POLR3B: variants seen among roughly 807,000 people sequenced by gnomAD.
POLR3B encodes DNA-directed RNA polymerase III subunit RPC2.
POLR3B carries 96 observed loss-of-function variants against 147.4 expected under a neutral mutation model. The observed-to-expected ratio is 0.65, with a 90% CI of 0.55 to 0.77. POLR3B has a LOEUF of 0.77. Ranked by LOEUF, POLR3B falls within the 30% of genes least tolerant of loss-of-function variation. The pLI is 0.00. For missense variants in POLR3B, 1,036 were observed against 1,413.5 expected, an observed-to-expected ratio of 0.73 and a Z score of 4.28; for synonymous variants, 461 against 485.9, an observed-to-expected ratio of 0.95 and a Z score of 0.67.
intron 23 of POLR3B, chr12:106,495,829 C>T (rs576636545): frequency 1.2e-5 from 8 of 652,120 alleles, no homozygotes; most frequent in South Asian, 5.2e-5. Context: ...TGTGCTATGC[C>T]GGCAGCACAG....
At chr12:106,377,273 T>G (rs1593005925) in intron 7 of POLR3B, among the ~76,000 whole-genome samples, 1 of 152,368 alleles carries the variant, frequency 6.6e-6, no homozygotes, top group East Asian at 1.9e-4. Context: ...TTAACTCGTA[T>G]TTCACATTGA....
chr12:106,430,344 T>C lies in POLR3B; in HGVS notation c.1335T>C (p.Tyr445=). 1 of 1,614,030 alleles carries C rather than the reference T, an allele frequency of 6.2e-7. No individual in the cohort carries two copies. The highest frequency in any genetic ancestry group is 1.1e-5 in the South Asian group (1 of 91,074). ...CCCAAGTGCTGTCTCGCTTGTCATA[T>C]ATATCCGCACTGGGCATGATGACAA... is the stretch of plus-strand genomic sequence containing the variant. ...GVTQVLSRLS[Y]ISALGMMTRI... is the part of the protein sequence containing the mutation. The change falls in exon 14 of 28, where the codon TAT becomes TAC. Residue 445 remains tyrosine, a synonymous_variant. Transcript: ENST00000228347.
At chr12:106,449,021 G>A (rs1204818237) in intron 19 of POLR3B, among the ~76,000 whole-genome samples, 1 of 152,032 alleles carries the variant, frequency 6.6e-6, no homozygotes, top group African/African-American at 2.4e-5. Flanking sequence ...CTTATTACAG[G>A]TTGAATATCC....
rs140312606 is a variant in POLR3B, at chr12:106,357,841, G to T, written c.-39G>T. 2.1e-5 allele frequency: 34 copies of T among 1,595,244 alleles called. No homozygotes were observed. Among genetic ancestry groups the T allele is most frequent in the Non-Finnish European group, 2.8e-5 (33 of 1,167,814 alleles). ...TTTGCTTGGTGCAGGGAAGGCGGGC[G>T]CGGAGGTTCTATCTGTTTCTTCCTC... On this transcript the variant is annotated 5_prime_UTR_variant, in exon 1 of 28. Coordinates refer to ENST00000228347, the MANE Select transcript of POLR3B (RefSeq NM_018082.6).
At chr12:106,448,427 CTTTTTTTTT>C (rs869133588) in intron 19 of POLR3B, among the ~76,000 whole-genome samples, 6 of 50,604 alleles carry the variant, frequency 1.2e-4, no homozygotes, top group African/African-American at 2.9e-4. Context: ...TACGTTATTT[CTTTTTTTTT>C]TTTTTTTTTT....
At chr12:106,506,251 A>G (rs909341982) in intron 27 of POLR3B, among the ~76,000 whole-genome samples, 1 of 152,254 alleles carries the variant, frequency 6.6e-6, no homozygotes, top group Non-Finnish European at 1.5e-5. Context: ...TCCTAGTTCC[A>G]CTATGCTTAA....
intron 10 of POLR3B, among the ~76,000 whole-genome samples, chr12:106,394,892 C>T (rs983981674): frequency 6.6e-6 from 1 of 152,118 alleles, no homozygotes. Context: ...TATAGAGATG[C>T]AAATAACCCA....
chr12:106,437,164 C>T (rs376056279), intron 17 of POLR3B, 33 bp downstream of exon 17: 3 of 1,317,968 alleles, frequency 2.3e-6, no homozygotes, highest in Non-Finnish European at 3.3e-6. Context: ...TACCAATCTC[C>T]TTAATACCCA....
rs1194923388 is a variant in POLR3B, at chr12:106,501,312, C to T, written c.2985-11C>T. 6.4e-7 allele frequency: 1 copy of T among 1,561,108 alleles called. No homozygotes were observed. Among genetic ancestry groups the T allele is most frequent in the African/African-American group, 1.4e-5 (1 of 73,872 alleles). ...AGTTTCTTAACCCACAACAATTGAT[C>T]TTTCTTTCAGTGAGCCCTTAGAAGC... On this transcript the variant is annotated splice_polypyrimidine_tract_variant and intron_variant, in intron 25 of 27. Coordinates refer to ENST00000228347, the MANE Select transcript of POLR3B (RefSeq NM_018082.6).
At chr12:106,378,671 C>G (rs2036716293) in intron 8 of POLR3B, among the ~76,000 whole-genome samples, 1 of 151,906 alleles carries the variant, frequency 6.6e-6, no homozygotes, top group South Asian at 2.1e-4. Context: ...AAAATAAAAC[C>G]ACTCTTCAGT....
chr12:106,404,023 A>G (rs1450792617), intron 10 of POLR3B, among the ~76,000 whole-genome samples: 1 of 151,932 alleles, frequency 6.6e-6, no homozygotes, highest in African/African-American at 2.4e-5. Context: ...TATAATTTTT[A>G]TATATACCTT....
At chr12:106,442,702 C>T (rs2037668818) in intron 18 of POLR3B, among the ~76,000 whole-genome samples, 1 of 150,506 alleles carries the variant, frequency 6.6e-6, no homozygotes, top group African/African-American at 2.5e-5. Flanking sequence ...TGGGCTGGGA[C>T]GTGGTTTCTT....
chr12:106,374,824 A>G (rs188451980), intron 6 of POLR3B, among the ~76,000 whole-genome samples: 1 of 152,204 alleles, frequency 6.6e-6, no homozygotes, highest in African/African-American at 2.4e-5. Context: ...CCTCCTTGGC[A>G]TGTTTTTTTC....
Position 106,410,913 on chromosome 12 carries a change from G to A in POLR3B, c.1054G>A (p.Asp352Asn). 1 of 1,613,550 alleles carries A rather than the reference G, an allele frequency of 6.2e-7. No homozygotes were observed. Among genetic ancestry groups the A allele is most frequent in the Non-Finnish European group, 8.5e-7 (1 of 1,179,506 alleles). ...TCTGGCCCAAGGAGATAATAAAGTT[G>A]ACGACAGAGATTATTATGGTAACAA... ...VILAQGDNKVDDRDYYGNKRL... is the reference protein window; with the variant it reads ...VILAQGDNKVNDRDYYGNKRL... The change falls in exon 12 of 28, where the codon GAC becomes AAC. Residue 352 changes from aspartate to asparagine, a missense_variant. This residue lies in a region of POLR3B where 217 missense variants were observed against 288.7 expected (regional missense o/e 0.75). Transcript: ENST00000228347.
chr12:106,474,957 T>C (rs1423251505), intron 23 of POLR3B, among the ~76,000 whole-genome samples: 2 of 134,400 alleles, frequency 1.5e-5, no homozygotes, highest in South Asian at 2.3e-4. Flanking sequence ...ATTGTGATGT[T>C]AGGGTGTCAA....
Position 106,459,382 on chromosome 12 carries a change from G to C in POLR3B, c.2570+14G>C, listed in dbSNP as rs2037906784. ...TGTACCCATAACGTATGTATTGGTT[G>C]TGCCCTGGTAATATGTAGAAAGGTT... On this transcript the variant is annotated intron_variant, in intron 22 of 27. Transcript: ENST00000228347. 7.9e-7 allele frequency: 1 copy of C among 1,262,524 alleles called. No homozygotes were observed. The highest frequency in any genetic ancestry group is 1.5e-5 in the African/African-American group (1 of 68,144). The allele number at this position is 1,262,524 out of a possible 1,614,324, so 78.2% of individuals were successfully genotyped here.
In POLR3B at chr12:106,504,177, A is replaced by G. The variant is rs143441199; in HGVS notation, c.3195A>G (p.Leu1065=). 21 of 1,614,058 alleles carry G rather than the reference A, an allele frequency of 1.3e-5. No individual in the cohort carries two copies. Among genetic ancestry groups the G allele is most frequent in the African/African-American group, 2.7e-5 (2 of 74,938 alleles). ...GTTATGGAGCCAGTATGCTTTTGCT[A>G]GAGAGACTAATGATTTCAAGTGATG... ...LIGYGASMLL[L]ERLMISSDAF... The change falls in exon 27 of 28, where the codon CTA becomes CTG. Residue 1065 remains leucine (L), a synonymous_variant. Coordinates refer to ENST00000228347, the MANE Select transcript of POLR3B (RefSeq NM_018082.6). The surrounding 1 kb of genome is among the most constrained non-coding windows in gnomAD (Gnocchi z 4.6).
chr12:106,390,028 G>A (rs1351136434), intron 9 of POLR3B, among the ~76,000 whole-genome samples: 1 of 152,110 alleles, frequency 6.6e-6, no homozygotes, highest in African/African-American at 2.4e-5. Flanking sequence ...AGACCAGCCT[G>A]GCCAACATGG....
In POLR3B at chr12:106,496,551, A is replaced by G. The variant is rs532697215; in HGVS notation, c.2818-201A>G. 6 of 613,604 alleles carry G rather than the reference A, an allele frequency of 9.8e-6. No homozygotes were observed. The African/African-American group carries it at 1.1e-4, about 11-fold the overall frequency. The allele number at this position is 613,604 out of a possible 1,614,324, so 38.0% of individuals were successfully genotyped here. A position where few individuals can be genotyped will look rare whatever the true frequency, so the allele number is the denominator to read the frequency against. On this transcript the variant is annotated intron_variant, in intron 24 of 27. Coordinates refer to ENST00000228347, the MANE Select transcript of POLR3B (RefSeq NM_018082.6). ...CCCATACTTCAGTTTCTTCATCTGT[A>G]AAATGAAGAAATATAGGACCTATCT...
Sources: gnomAD v4.1 joint callset for allele counts (sites outside exome capture counted in the v4.1 genomes callset) on GRCh38, gnomAD v4.1.1 for gene constraint, gnomAD v4.1.1 regional missense constraint, Gnocchi (gnomAD v3.1) non-coding constraint, MANE v1.5 for transcripts, NCBI Gene and HGNC (gene_info 2026-07-23, HGNC 2026-07-21) for gene names.